The following CASQ2 variants were observed in gnomAD, a reference collection of about 807,000 sequenced individuals.
CASQ2 encodes calsequestrin-2.
Under a neutral mutation model 46.5 loss-of-function variants are expected in CASQ2, and 49 were observed. That is an observed-to-expected ratio of 1.05 (90% CI 0.84 to 1.34). The LOEUF is 1.34. Among genes scored for constraint, CASQ2 ranks in the 40% most tolerant of loss-of-function variants. The pLI is 0.00. For missense variants in CASQ2, 486 were observed against 481.3 expected, an observed-to-expected ratio of 1.01 and a Z score of -0.09; for synonymous variants, 174 against 168.5, an observed-to-expected ratio of 1.03 and a Z score of -0.25.
At chr1:115,728,973 T>G (rs1356916252) in intron 5 of CASQ2, among the ~76,000 whole-genome samples, 1 of 151,858 alleles carries the variant, frequency 6.6e-6, no homozygotes, top group Admixed American at 6.6e-5. Flanking sequence ...CTCTTCACTG[T>G]CTACCTACCA....
chr1:115,757,981 G>A (rs9428222), intron 1 of CASQ2, among the ~76,000 whole-genome samples: 57,328 of 152,044 alleles, frequency 0.38, 12,523 homozygotes, highest in Non-Finnish European at 0.5. Context: ...CCATTGGCTC[G>A]CATTAGTCAT....
intron 8 of CASQ2, among the ~76,000 whole-genome samples, chr1:115,715,983 A>C (rs1016659729): frequency 1.3e-5 from 2 of 152,208 alleles, no homozygotes; most frequent in Admixed American, 1.3e-4. Context: ...TCTCTTGGGC[A>C]GTTTGTTTAA....
intron 6 of CASQ2, 83 bp from the exon 7 acceptor site, chr1:115,725,636 T>C (rs763687725): frequency 5.3e-5 from 81 of 1,519,528 alleles, no homozygotes; most frequent in Non-Finnish European, 6.8e-5. Context: ...CACAGCATTA[T>C]GAAATGTAAA....
chr1:115,764,488 A>G (rs553069333), intron 1 of CASQ2, among the ~76,000 whole-genome samples: 1 of 152,218 alleles, frequency 6.6e-6, no homozygotes, highest in African/African-American at 2.4e-5. Flanking sequence ...TCTTTTCCAC[A>G]TACTCTGAAA....
chr1:115,765,844 C>A (rs953447318), intron 1 of CASQ2, among the ~76,000 whole-genome samples: 1 of 152,172 alleles, frequency 6.6e-6, no homozygotes, highest in African/African-American at 2.4e-5. Context: ...CCCCCTACCC[C>A]CTAACAGCCA....
chr1:115,762,261 A>G (rs1198700989), intron 1 of CASQ2, among the ~76,000 whole-genome samples: 1 of 152,216 alleles, frequency 6.6e-6, no homozygotes, highest in Non-Finnish European at 1.5e-5. Context: ...CAGAATCTGG[A>G]AAGTATTGCT....
rs568949044 is a variant in CASQ2, at chr1:115,726,564, T to A, written c.737+428A>T. ...TATGCATAGAGTGTTCATCCTTGGC[T>A]AAGTTACTTAACTATTGAGTCCAAT... On this transcript the variant is annotated intron_variant, in intron 6 of 10. Transcript: ENST00000261448. Among the ~76,000 whole-genome samples the A allele has an allele frequency of 3.3e-5, 5 of 152,368 alleles. No homozygotes were observed. In the East Asian group the frequency reaches 9.6e-4, roughly 29 times the overall value.
chr1:115,711,381 G>C (rs1185676617), intron 8 of CASQ2, among the ~76,000 whole-genome samples: 1 of 152,134 alleles, frequency 6.6e-6, no homozygotes, highest in Non-Finnish European at 1.5e-5. Flanking sequence ...CCTTGCACAG[G>C]TTGCTTAACC....
rs188398686 is a variant in CASQ2 at position 115,712,807 on chromosome 1, G to T, written c.838+5033C>A. On this transcript the variant is annotated intron_variant, in intron 8 of 10. Coordinates refer to ENST00000261448, the MANE Select transcript of CASQ2 (RefSeq NM_001232.4). ...GGAGGTGGAGGTTGCAGTGAGCAGA[G>T]ATGGTGCCACTGCACTCCAGCCTGA... Among the ~76,000 whole-genome samples, 484 of 146,130 alleles carry T rather than the reference G, an allele frequency of 3.3e-3. 3 individuals are homozygous for T. Among genetic ancestry groups the T allele is most frequent in the Middle Eastern group, 0.029 (8 of 278 alleles).
intron 8 of CASQ2, among the ~76,000 whole-genome samples, chr1:115,712,757 G>A (rs889482448): frequency 1.3e-5 from 2 of 151,696 alleles, no homozygotes; most frequent in Non-Finnish European, 2.9e-5. Context: ...TCGGGAGGCT[G>A]AGGCAGGAGA....
At chr1:115,760,104 T>C (rs550308497) in intron 1 of CASQ2, among the ~76,000 whole-genome samples, 60 of 152,340 alleles carry the variant, frequency 3.9e-4, no homozygotes, top group African/African-American at 1.3e-3. Context: ...AAATCAGATA[T>C]GAATCCCTGC....
chr1:115,724,423 T>C (rs1160225637), intron 7 of CASQ2, among the ~76,000 whole-genome samples: 1 of 152,094 alleles, frequency 6.6e-6, no homozygotes, highest in African/African-American at 2.4e-5. Flanking sequence ...CCACCTCAAC[T>C]TCCCAAGGAG....
intron 1 of CASQ2, among the ~76,000 whole-genome samples, chr1:115,745,361 G>C (rs7518735): frequency 0.33 from 41,553 of 124,974 alleles, 6,068 homozygotes; most frequent in East Asian, 0.47. Context: ...CAAACATTGC[G>C]CTCAATTCCC....
intron 7 of CASQ2, among the ~76,000 whole-genome samples, chr1:115,719,000 A>T (rs914701017): frequency 6.6e-6 from 1 of 152,116 alleles, no homozygotes. Flanking sequence ...TCATATCAGA[A>T]TCATCCTATG....
intron 2 of CASQ2, 111 bp from the exon 3 acceptor site, chr1:115,740,939 T>C: frequency 2.7e-6 from 2 of 746,540 alleles, no homozygotes; most frequent in East Asian, 2.6e-5. Flanking sequence ...TCAGGATTAG[T>C]GGAACTAGCA....
chr1:115,748,968 G>A (rs1403518353), intron 1 of CASQ2, among the ~76,000 whole-genome samples: 4 of 152,118 alleles, frequency 2.6e-5, no homozygotes, highest in Non-Finnish European at 4.4e-5. Context: ...AAATAGACCT[G>A]GGTGGGGCTC....
intron 1 of CASQ2, among the ~76,000 whole-genome samples, chr1:115,759,820 C>T (rs1432872022): frequency 6.6e-6 from 1 of 152,184 alleles, no homozygotes; most frequent in Non-Finnish European, 1.5e-5. Flanking sequence ...GATTTGCCAT[C>T]TCTTTTGGGG....
At position 115,717,262 on chromosome 1, in the gene CASQ2, T is replaced by G. The variant is rs569815536; in HGVS notation, c.838+578A>C. ...TCTTCATAGCAATGTGAGAATGGAC[T>G]AATACAATAAGATTTCCATTTGAGT... On this transcript the variant is annotated intron_variant, in intron 8 of 10. Transcript: ENST00000261448. 1.2e-4 allele frequency among the ~76,000 whole-genome samples: 19 copies of G among 152,344 alleles called. No homozygotes were observed. The East Asian group carries it at 2.5e-3, about 20-fold the overall frequency.
chr1:115,724,735 A>G (rs943868576), intron 7 of CASQ2, among the ~76,000 whole-genome samples: 1 of 152,196 alleles, frequency 6.6e-6, no homozygotes, highest in Non-Finnish European at 1.5e-5. Flanking sequence ...AACAGCTACC[A>G]TATAGTGAAC....
Sources: gnomAD v4.1 joint callset for allele counts (sites outside exome capture counted in the v4.1 genomes callset) on GRCh38, gnomAD v4.1.1 for gene constraint, MANE v1.5 for transcripts, NCBI Gene and HGNC (gene_info 2026-07-23, HGNC 2026-07-21) for gene names.